CSMD3: variants seen among roughly 807,000 people sequenced by gnomAD.
The protein encoded by CSMD3 is CUB and Sushi multiple domains 3.
CSMD3 carries 177 observed loss-of-function variants against 435.2 expected under a neutral mutation model. The observed-to-expected ratio is 0.41, with a 90% confidence interval of 0.36 to 0.46. The LOEUF (loss-of-function observed/expected upper bound fraction) is 0.46. CSMD3 is among the 20% of genes least tolerant of loss of function. The pLI, the probability that CSMD3 is intolerant of heterozygous loss-of-function variation, is 0.34. For missense variants in CSMD3, 4,265 were observed against 4,504.6 expected, an observed-to-expected ratio of 0.95 and a Z score of 1.52; for synonymous variants, 1,656 against 1,520.5, an observed-to-expected ratio of 1.09 and a Z score of -2.07.
chr8:113,119,605 C>T (rs1248476322), intron 4 of CSMD3, among the ~76,000 whole-genome samples: 1 of 152,106 alleles, frequency 6.6e-6, no homozygotes. Flanking sequence ...GTCCTTTTTA[C>T]TTTTTCTAGA....
At chr8:113,369,128 T>C (rs2094331800) in intron 1 of CSMD3, among the ~76,000 whole-genome samples, 1 of 151,990 alleles carries the variant, frequency 6.6e-6, no homozygotes, top group African/African-American at 2.4e-5. Context: ...ATAGTAAATC[T>C]CTATCAATTT....
intron 16 of CSMD3, among the ~76,000 whole-genome samples, chr8:112,676,158 G>A (rs1489241785): frequency 6.6e-6 from 1 of 152,124 alleles, no homozygotes; most frequent in Non-Finnish European, 1.5e-5. Context: ...AAACACTTAA[G>A]TGCAGATGTG....
intron 6 of CSMD3, among the ~76,000 whole-genome samples, chr8:112,995,991 T>A (rs2085637502): frequency 1.3e-5 from 2 of 151,654 alleles, no homozygotes; most frequent in East Asian, 3.9e-4. Flanking sequence ...ATTTACCTAT[T>A]TATTTTTTAT....
chr8:113,136,680 G>A (rs2131709043), intron 4 of CSMD3, among the ~76,000 whole-genome samples: 1 of 151,798 alleles, frequency 6.6e-6, no homozygotes, highest in South Asian at 2.1e-4. Flanking sequence ...GTGAGGAAGG[G>A]AAATCAGCAA....
intron 3 of CSMD3, among the ~76,000 whole-genome samples, chr8:113,186,274 C>T (rs2092500235): frequency 6.6e-6 from 1 of 151,924 alleles, no homozygotes; most frequent in African/African-American, 2.4e-5. Context: ...ACCATATGGC[C>T]AGGTCATTGG....
intron 4 of CSMD3, among the ~76,000 whole-genome samples, chr8:113,125,963 T>G (rs1159682241): frequency 6.6e-6 from 1 of 151,958 alleles, no homozygotes; most frequent in Non-Finnish European, 1.5e-5. Flanking sequence ...TGTAATAGGA[T>G]AGGTATGCAT....
chr8:113,172,310 AT>A (rs2092281663), intron 4 of CSMD3, among the ~76,000 whole-genome samples: 1 of 152,162 alleles, frequency 6.6e-6, no homozygotes. Flanking sequence ...TTATAGTGAA[AT>A]TTAAGTGATA....
intron 28 of CSMD3, among the ~76,000 whole-genome samples, chr8:112,509,465 C>G (rs1452630869): frequency 6.6e-6 from 1 of 152,132 alleles, no homozygotes; most frequent in Non-Finnish European, 1.5e-5. Flanking sequence ...CATTTCTTAG[C>G]TAGCTCCCAA....
chr8:112,362,816 C>T (rs1827380773), intron 38 of CSMD3, among the ~76,000 whole-genome samples: 1 of 151,868 alleles, frequency 6.6e-6, no homozygotes, highest in Non-Finnish European at 1.5e-5. Flanking sequence ...ATTCATTATC[C>T]TGAGGGGTAG....
intron 38 of CSMD3, among the ~76,000 whole-genome samples, chr8:112,373,361 A>C (rs1765847051): frequency 1.3e-5 from 2 of 152,092 alleles, no homozygotes; most frequent in South Asian, 4.1e-4. Flanking sequence ...AATACCCAAA[A>C]ATGTGCAGTG....
chr8:112,819,796 T>C (rs1416611860), intron 12 of CSMD3, among the ~76,000 whole-genome samples: 2 of 152,168 alleles, frequency 1.3e-5, no homozygotes, highest in Non-Finnish European at 2.9e-5. Flanking sequence ...ATTTATACTT[T>C]GATAGACTAC....
At chr8:113,093,933 G>A (rs2090085215) in intron 5 of CSMD3, among the ~76,000 whole-genome samples, 1 of 151,788 alleles carries the variant, frequency 6.6e-6, no homozygotes, top group South Asian at 2.1e-4. Context: ...TTGTTCCCTT[G>A]ACTTCAGCCA....
chr8:112,329,110 G>A (rs1823789553), intron 45 of CSMD3, among the ~76,000 whole-genome samples: 1 of 152,044 alleles, frequency 6.6e-6, no homozygotes, highest in Admixed American at 6.6e-5. Context: ...CTAATTTAAG[G>A]TATGCTGCCT....
intron 1 of CSMD3, among the ~76,000 whole-genome samples, chr8:113,326,632 T>A (rs2093985805): frequency 6.6e-6 from 1 of 152,274 alleles, no homozygotes; most frequent in East Asian, 1.9e-4. Context: ...TAAAACTTAT[T>A]AGTGTATGTC....
At chr8:112,471,373 T>C (rs1242687399) in intron 32 of CSMD3, among the ~76,000 whole-genome samples, 3 of 152,172 alleles carry the variant, frequency 2.0e-5, no homozygotes, top group Non-Finnish European at 2.9e-5. Flanking sequence ...ATAAACACAG[T>C]TAAGTGAATG....
chr8:112,390,622 A>G (rs1303252414), intron 36 of CSMD3, 42 bp downstream of exon 36: 11 of 1,529,312 alleles, frequency 7.2e-6, no homozygotes, highest in African/African-American at 2.7e-5. Flanking sequence ...AAGATTAACT[A>G]CACACATACA....
chr8:112,824,264 A>G (rs560599697), intron 12 of CSMD3, among the ~76,000 whole-genome samples: 2 of 152,104 alleles, frequency 1.3e-5, no homozygotes, highest in African/African-American at 4.8e-5. Flanking sequence ...CCAATTTGTC[A>G]GTCTTTGTCT....
chr8:112,435,732 A>G (rs567123448), intron 32 of CSMD3, among the ~76,000 whole-genome samples: 53 of 152,196 alleles, frequency 3.5e-4, no homozygotes, highest in African/African-American at 1.3e-3. Flanking sequence ...TACTTTCAAG[A>G]TAACTTAAAA....
intron 20 of CSMD3, among the ~76,000 whole-genome samples, chr8:112,643,749 T>A (rs2074901371): frequency 6.6e-6 from 1 of 152,112 alleles, no homozygotes; most frequent in South Asian, 2.1e-4. Context: ...TTCTACCTCA[T>A]TCCTGCTATT....
Sources: gnomAD v4.1 joint callset for allele counts (sites outside exome capture counted in the v4.1 genomes callset) on GRCh38, gnomAD v4.1.1 for gene constraint, MANE v1.5 for transcripts, NCBI Gene and HGNC (gene_info 2026-07-23, HGNC 2026-07-21) for gene names.